Variants in DENND4C observed in about 807,000 individuals in gnomAD.
The protein encoded by DENND4C is DENN domain-containing protein 4C.
DENND4C carries 108 observed loss-of-function variants against 203.0 expected under a neutral mutation model. The ratio of observed to expected loss-of-function variants is 0.53; its 90% CI spans 0.46 to 0.62. DENND4C has a LOEUF of 0.62. DENND4C is among the 20% of genes least tolerant of loss of function. DENND4C has a pLI of 0.00. For synonymous variants in DENND4C, 871 were observed against 792.4 expected, an observed-to-expected ratio of 1.10 and a Z score of -1.67; for missense variants, 2,481 against 2,301.2, an observed-to-expected ratio of 1.08 and a Z score of -1.60.
intron 1 of DENND4C, among the ~76,000 whole-genome samples, chr9:19,238,980 T>C (rs1163266312): frequency 6.6e-6 from 1 of 151,992 alleles, no homozygotes; most frequent in Non-Finnish European, 1.5e-5. Context: ...CTTTTTTTAA[T>C]GTCTAGAGGA....
intron 1 of DENND4C, among the ~76,000 whole-genome samples, chr9:19,253,190 A>G (rs1053295249): frequency 1.3e-5 from 2 of 152,264 alleles, no homozygotes; most frequent in African/African-American, 2.4e-5. Context: ...GGACATTTAT[A>G]TAAAAATCCT....
intron 17 of DENND4C, among the ~76,000 whole-genome samples, chr9:19,334,515 G>T (rs137939101): frequency 0.036 from 5,311 of 149,578 alleles, 318 homozygotes; most frequent in African/African-American, 0.12. Context: ...GTTTGTTTTT[G>T]GGTTTTTTTT....
intron 12 of DENND4C, among the ~76,000 whole-genome samples, chr9:19,321,714 C>T (rs540411618): frequency 6.6e-6 from 1 of 151,710 alleles, no homozygotes; most frequent in African/African-American, 2.4e-5. Flanking sequence ...TGCCTGTAGT[C>T]CCAGCTACTC....
At chr9:19,237,437 C>T (rs1476992565) in intron 1 of DENND4C, among the ~76,000 whole-genome samples, 9 of 152,012 alleles carry the variant, frequency 5.9e-5, no homozygotes, top group African/African-American at 1.7e-4. Context: ...CTGCAACCTC[C>T]GCATCCCGAG....
At chr9:19,362,568 A>G (rs1020444462) in intron 30 of DENND4C, among the ~76,000 whole-genome samples, 1 of 152,012 alleles carries the variant, frequency 6.6e-6, no homozygotes, top group African/African-American at 2.4e-5. Flanking sequence ...CACACACACA[A>G]ATGAAAAAGT....
Position 19,346,852 on chromosome 9 carries a change from G to C in DENND4C, c.4083G>C (p.Gln1361His). 6.2e-7 allele frequency: 1 copy of C among 1,614,202 alleles called. No individual in the cohort carries two copies. The highest frequency in any genetic ancestry group is 8.5e-7 in the Non-Finnish European group (1 of 1,180,034). Residue 1361 changes from glutamine to histidine, a missense_variant, in exon 23 of 33, where the codon CAG (glutamine) becomes CAC (histidine). Coordinates refer to ENST00000434457, the MANE Select transcript of DENND4C (RefSeq NM_001330640.2). ...AAACTTTTACTGGGCGTTTCAAGCA[G>C]CAAACCCCCTCTCGAACTCATAAAG... Reference protein sequence around the residue: ...RSKTFTGRFKQQTPSRTHKER... With the variant: ...RSKTFTGRFKHQTPSRTHKER...
Position 19,305,357 on chromosome 9 carries a change from C to A in DENND4C, c.1317C>A (p.Ile439=). 6.3e-7 allele frequency: 1 copy of A among 1,582,548 alleles called. No homozygotes were observed. The highest frequency in any genetic ancestry group is 1.2e-5 in the South Asian group (1 of 85,020). ...TGVAEAVVAM[I]FPFQWQCPYI... ...TTTTAAAACTTTTTCCCCAGATGAT[C>A]TTTCCATTTCAGTGGCAATGCCCAT... Residue 439 remains isoleucine, a synonymous_variant, in exon 10 of 33, where the codon ATC becomes ATA. Transcript: ENST00000434457.
intron 1 of DENND4C, among the ~76,000 whole-genome samples, chr9:19,248,476 G>A (rs934755302): frequency 8.6e-5 from 13 of 151,840 alleles, no homozygotes; most frequent in African/African-American, 3.1e-4. Context: ...CGCAACCTCC[G>A]CCTCCTGGGT....
At chr9:19,326,580 G>A (rs1817878432) in intron 15 of DENND4C, among the ~76,000 whole-genome samples, 1 of 152,078 alleles carries the variant, frequency 6.6e-6, no homozygotes, top group South Asian at 2.1e-4. Context: ...TCTTTATTAA[G>A]ATAAAGGATA....
chr9:19,327,898 A>AT (rs1818159942), intron 15 of DENND4C, 132 bp from the exon 16 acceptor site: 5 of 898,670 alleles, frequency 5.6e-6, no homozygotes, highest in Middle Eastern at 3.5e-4. Context: ...TTGAAAAAGT[A>AT]TTTTTTCTAT....
chr9:19,319,110 G>A (rs575232479), intron 12 of DENND4C, among the ~76,000 whole-genome samples: 12 of 150,848 alleles, frequency 8.0e-5, no homozygotes, highest in Admixed American at 4.6e-4. Context: ...CAGAAGTTGC[G>A]GTGAGCCAAG....
At chr9:19,350,656 A>G in intron 23 of DENND4C, 46 bp from the exon 24 acceptor site, 1 of 1,518,246 alleles carries the variant, frequency 6.6e-7, no homozygotes, top group Non-Finnish European at 9.0e-7. Flanking sequence ...ATCCCACTGG[A>G]GAAGGTATTA....
At chr9:19,354,144 A>G (rs1394632626) in intron 26 of DENND4C, among the ~76,000 whole-genome samples, 1 of 152,138 alleles carries the variant, frequency 6.6e-6, no homozygotes, top group Non-Finnish European at 1.5e-5. Flanking sequence ...GGGTTACTAT[A>G]TGTACATCTA....
At chr9:19,365,692 TACAC>T (rs949125205) in intron 30 of DENND4C, among the ~76,000 whole-genome samples, 5 of 109,314 alleles carry the variant, frequency 4.6e-5, no homozygotes, top group Non-Finnish European at 8.8e-5. Flanking sequence ...CATATTATTA[TACAC>T]ACACACCATA....
At chr9:19,246,287 A>AT (rs1333538518) in intron 1 of DENND4C, among the ~76,000 whole-genome samples, 2 of 152,106 alleles carry the variant, frequency 1.3e-5, no homozygotes, top group Non-Finnish European at 2.9e-5. Flanking sequence ...TGGAGAAAAC[A>AT]AATACGCTAG....
chr9:19,344,446 T>C (rs1485684272), intron 22 of DENND4C, among the ~76,000 whole-genome samples: 1 of 152,126 alleles, frequency 6.6e-6, no homozygotes, highest in East Asian at 1.9e-4. Flanking sequence ...TAGTGAGCCA[T>C]GATTGCACCA....
rs115947782 is a variant in DENND4C, at chr9:19,269,285, C to T, written c.-17-6873C>T. Reference sequence around the variant, plus strand: ...CAAGCAATTCCCCTGCCTCGCCTCCCGAGTAGCTGGAATTACAGGTGCCCG... The same window carrying T: ...CAAGCAATTCCCCTGCCTCGCCTCCTGAGTAGCTGGAATTACAGGTGCCCG... On this transcript the variant is annotated intron_variant, in intron 1 of 32. Transcript: ENST00000434457. 7.2e-3 allele frequency among the ~76,000 whole-genome samples: 1,102 copies of T among 152,148 alleles called. 16 individuals are homozygous for T. The highest frequency in any genetic ancestry group is 0.026 in the African/African-American group (1,065 of 41,514).
intron 2 of DENND4C, among the ~76,000 whole-genome samples, chr9:19,277,680 G>C (rs1271335993): frequency 6.6e-6 from 1 of 151,932 alleles, no homozygotes; most frequent in African/African-American, 2.4e-5. Context: ...ACTCTGGCTA[G>C]AACTTTTAGT....
chr9:19,306,634 A>G (rs1363157278), intron 10 of DENND4C, among the ~76,000 whole-genome samples: 1 of 152,044 alleles, frequency 6.6e-6, no homozygotes, highest in East Asian at 1.9e-4. Context: ...TTTTATTCTG[A>G]ATAAAATAAT....
Sources: gnomAD v4.1 joint callset for allele counts (sites outside exome capture counted in the v4.1 genomes callset) on GRCh38, gnomAD v4.1.1 for gene constraint, MANE v1.5 for transcripts, NCBI Gene and HGNC (gene_info 2026-07-23, HGNC 2026-07-21) for gene names.